C10orf143: variants seen among roughly 807,000 people sequenced by gnomAD.
C10orf143 encodes the protein uncharacterized protein C10orf143.
At chr10:130,037,164 C>G (rs1860553718) in intron 3 of C10orf143, among the ~76,000 whole-genome samples, 1 of 152,212 alleles carries the variant, frequency 6.6e-6, no homozygotes, top group Non-Finnish European at 1.5e-5. Flanking sequence ...ACCAAGGGGA[C>G]AGGGCGATGC....
At chr10:130,082,636 G>T (rs917972852) in intron 1 of C10orf143, among the ~76,000 whole-genome samples, 1 of 152,176 alleles carries the variant, frequency 6.6e-6, no homozygotes, top group African/African-American at 2.4e-5. Flanking sequence ...CTTCTGCAAT[G>T]ATTGTGAGGC....
intron 1 of C10orf143, among the ~76,000 whole-genome samples, chr10:130,081,052 T>C (rs1000388759): frequency 6.6e-6 from 1 of 152,188 alleles, no homozygotes; most frequent in South Asian, 2.1e-4. Context: ...TACAAATCCT[T>C]CTACATCCAA....
intron 1 of C10orf143, chr10:130,108,375 GAAGT>G (rs776900165): frequency 3.5e-6 from 4 of 1,146,352 alleles, no homozygotes; most frequent in Non-Finnish European, 5.3e-6. Flanking sequence ...TCTGAAGGTA[GAAGT>G]GAGTTCCCTT....
chr10:130,086,546 G>A (rs1214852361), intron 1 of C10orf143, among the ~76,000 whole-genome samples: 1 of 152,130 alleles, frequency 6.6e-6, no homozygotes, highest in African/African-American at 2.4e-5. Context: ...TTCAATCTCT[G>A]GTTATTCAGG....
At chr10:130,098,977 A>G (rs1004082870) in intron 1 of C10orf143, among the ~76,000 whole-genome samples, 3 of 151,776 alleles carry the variant, frequency 2.0e-5, no homozygotes, top group Non-Finnish European at 4.4e-5. Context: ...AATCTCAGCT[A>G]CTAGGGAGGC....
intron 1 of C10orf143, among the ~76,000 whole-genome samples, chr10:130,080,609 C>T (rs1275916944): frequency 6.6e-6 from 1 of 152,132 alleles, no homozygotes; most frequent in African/African-American, 2.4e-5. Flanking sequence ...GCGAGAAATC[C>T]ACCCCAGGAG....
intron 3 of C10orf143, among the ~76,000 whole-genome samples, chr10:130,048,587 G>C (rs530657020): frequency 1.3e-5 from 2 of 152,118 alleles, no homozygotes. Context: ...CAGGGACCTC[G>C]GTCACTTTTA....
intron 1 of C10orf143, among the ~76,000 whole-genome samples, chr10:130,085,449 G>A (rs1047017772): frequency 1.3e-5 from 2 of 152,080 alleles, no homozygotes; most frequent in Non-Finnish European, 2.9e-5. Flanking sequence ...GAAAATGTGG[G>A]ACAACAAAAT....
At chr10:130,057,341 C>T (rs1860807843) in intron 3 of C10orf143, among the ~76,000 whole-genome samples, 1 of 152,224 alleles carries the variant, frequency 6.6e-6, no homozygotes, top group African/African-American at 2.4e-5. Context: ...TCTTCCCCAT[C>T]TGCAACTCAG....
At chr10:130,108,402 C>T (rs754717296) in intron 1 of C10orf143, 105 of 961,514 alleles carry the variant, frequency 1.1e-4, no homozygotes, top group Non-Finnish European at 1.6e-4. Context: ...GGGCTGATTC[C>T]GCCTTCAAAT....
At position 130,109,364 on chromosome 10, in the gene C10orf143, G is replaced by A. The variant is rs534033218; in HGVS notation, c.69+1340C>T. ...GGTGACACCCAGGGGATGGTGTGAG[G>A]GGAAGGAACTTAGGTCCCCGCATAT... On this transcript the variant is annotated intron_variant, in intron 1 of 3. Transcript: ENST00000637128. Among the ~76,000 whole-genome samples the A allele has an allele frequency of 4.6e-5, 7 of 152,186 alleles. No homozygotes were observed. The South Asian group carries it at 1.5e-3, about 32-fold the overall frequency.
At chr10:130,105,578 A>G (rs1340259513) in intron 1 of C10orf143, among the ~76,000 whole-genome samples, 1 of 152,100 alleles carries the variant, frequency 6.6e-6, no homozygotes, top group Non-Finnish European at 1.5e-5. Flanking sequence ...TAAAAATACA[A>G]AATTAGCTGG....
intron 1 of C10orf143, among the ~76,000 whole-genome samples, chr10:130,105,703 C>T (rs1861629680): frequency 6.6e-6 from 1 of 152,208 alleles, no homozygotes; most frequent in Non-Finnish European, 1.5e-5. Context: ...GCACTCCGGC[C>T]TGGGCGACAA....
intron 3 of C10orf143, among the ~76,000 whole-genome samples, chr10:130,064,636 A>G (rs1032809787): frequency 2.0e-4 from 31 of 152,162 alleles, no homozygotes; most frequent in African/African-American, 7.5e-4. Context: ...CTTCTTTCCT[A>G]TAGTACTTTG....
intron 3 of C10orf143, among the ~76,000 whole-genome samples, chr10:130,055,968 A>G (rs1236268988): frequency 6.7e-6 from 1 of 149,458 alleles, no homozygotes; most frequent in East Asian, 1.9e-4. Flanking sequence ...AAAAAAAAAA[A>G]AAAAAAAAAA....
intron 3 of C10orf143, among the ~76,000 whole-genome samples, chr10:130,044,393 C>A (rs1860642531): frequency 6.6e-6 from 1 of 152,188 alleles, no homozygotes; most frequent in Non-Finnish European, 1.5e-5. Flanking sequence ...TCCAGCCCAG[C>A]CCAGCCTGGG....
chr10:130,100,027 G>A (rs148851681), intron 1 of C10orf143, among the ~76,000 whole-genome samples: 4,754 of 150,968 alleles, frequency 0.031, 244 homozygotes, highest in African/African-American at 0.11. Context: ...TAGTAGAGAC[G>A]GGGTTTCACC....
At chr10:130,094,453 T>G (rs1861432623) in intron 1 of C10orf143, among the ~76,000 whole-genome samples, 1 of 152,214 alleles carries the variant, frequency 6.6e-6, no homozygotes, top group Non-Finnish European at 1.5e-5. Flanking sequence ...ATATCCCTGA[T>G]GAACATTGAT....
intron 1 of C10orf143, chr10:130,107,450 G>A (rs774334831): frequency 2.9e-6 from 4 of 1,399,044 alleles, no homozygotes; most frequent in Admixed American, 3.4e-5. Context: ...TTGGGCTGCT[G>A]AAAGAAACCT....
Sources: allele counts gnomAD v4.1 joint callset (sites outside exome capture counted in the v4.1 genomes callset), GRCh38; gene constraint gnomAD v4.1.1; transcripts MANE v1.5; gene names NCBI Gene and HGNC (gene_info 2026-07-23, HGNC 2026-07-21).